Variants in PTPRG observed in about 807,000 individuals in gnomAD.
The protein encoded by PTPRG is receptor-type tyrosine-protein phosphatase gamma.
In PTPRG, 102 loss-of-function variants were observed where a neutral mutation model predicts 165.3. The ratio of observed to expected loss-of-function variants is 0.62; its 90% CI spans 0.53 to 0.73. PTPRG has a LOEUF of 0.73. Among genes scored for constraint, PTPRG ranks in the 30% least tolerant of loss-of-function variants. PTPRG has a pLI of 0.00. For missense variants in PTPRG, 1,866 were observed against 1,861.4 expected, an observed-to-expected ratio of 1.00 and a Z score of -0.05; for synonymous variants, 675 against 669.5, an observed-to-expected ratio of 1.01 and a Z score of -0.13.
intron 1 of PTPRG, among the ~76,000 whole-genome samples, chr3:61,630,240 C>T (rs1179231661): frequency 6.6e-6 from 1 of 152,148 alleles, no homozygotes; most frequent in African/African-American, 2.4e-5. Flanking sequence ...GTAGATAGAG[C>T]AGATTTTGAG....
chr3:62,287,479 C>T (rs757476192), intron 28 of PTPRG, among the ~76,000 whole-genome samples: 1 of 151,812 alleles, frequency 6.6e-6, no homozygotes, highest in Admixed American at 6.6e-5. Flanking sequence ...CAAATTCGGC[C>T]TAAGAATGAG....
At chr3:62,151,184 G>A (rs150378597) in intron 6 of PTPRG, among the ~76,000 whole-genome samples, 7 of 152,304 alleles carry the variant, frequency 4.6e-5, no homozygotes, top group Non-Finnish European at 7.4e-5. Flanking sequence ...ATAATTTAAT[G>A]TTGAAAGGAA....
chr3:61,755,565 G>T (rs888239090), intron 2 of PTPRG, among the ~76,000 whole-genome samples: 2 of 152,298 alleles, frequency 1.3e-5, no homozygotes, highest in East Asian at 3.9e-4. Flanking sequence ...ATTGTCTACT[G>T]TGTGCCAGGT....
At chr3:61,866,713 C>T (rs944373474) in intron 2 of PTPRG, among the ~76,000 whole-genome samples, 7 of 149,360 alleles carry the variant, frequency 4.7e-5, no homozygotes, top group Non-Finnish European at 1.0e-4. Flanking sequence ...ATTCTCCTGC[C>T]TCCGCCTCTG....
At chr3:62,293,012 A>T (rs1702954474) in intron 29 of PTPRG, 149 bp from the exon 30 acceptor site, 2 of 610,756 alleles carry the variant, frequency 3.3e-6, no homozygotes, top group African/African-American at 1.9e-5. Flanking sequence ...AATTCAAATG[A>T]TTTTTTTTTT....
chr3:61,806,859 T>A (rs1305851482), intron 2 of PTPRG, among the ~76,000 whole-genome samples: 1 of 152,238 alleles, frequency 6.6e-6, no homozygotes. Flanking sequence ...TTAGGTTTCA[T>A]ACTCCGTGGC....
intron 1 of PTPRG, among the ~76,000 whole-genome samples, chr3:61,691,878 C>T (rs565360046): frequency 0.11 from 364 of 3,182 alleles, 4 homozygotes; most frequent in Admixed American, 0.15. Flanking sequence ...AGAGGACTTA[C>T]ATTTAACCTT....
At chr3:61,646,697 G>A (rs1393768959) in intron 1 of PTPRG, among the ~76,000 whole-genome samples, 4 of 152,118 alleles carry the variant, frequency 2.6e-5, no homozygotes, top group South Asian at 2.1e-4. Flanking sequence ...ATAGTTTTAT[G>A]CATTTTTTTC....
At chr3:62,077,971 G>T (rs11713551) in intron 4 of PTPRG, among the ~76,000 whole-genome samples, 192 bp from the exon 5 acceptor site, 26 of 148,660 alleles carry the variant, frequency 1.7e-4, no homozygotes, top group Non-Finnish European at 3.7e-4. Flanking sequence ...GCAGTCCAGC[G>T]TGGGCAACAG....
In PTPRG at chr3:62,195,044, T is replaced by C. The variant is rs1410047801; in HGVS notation, c.1219-18T>C. ...GCCTTCAAAACTAACTCACTGCTTT[T>C]TCCTTCTTTACTTACAGAAAGCCAC... On this transcript the variant is annotated intron_variant, in intron 9 of 29. Transcript: ENST00000474889. This position sits in a 1 kb window ranked among gnomAD's most constrained non-coding sequence, Gnocchi z 4.4. 5 of 1,611,808 alleles carry C rather than the reference T, an allele frequency of 3.1e-6. No homozygotes were observed. In the East Asian group the frequency reaches 1.1e-4, roughly 36 times the overall value.
chr3:61,873,022 ATTCTTT>A (rs2037625998), intron 2 of PTPRG, among the ~76,000 whole-genome samples: 1 of 152,150 alleles, frequency 6.6e-6, no homozygotes, highest in Non-Finnish European at 1.5e-5. Context: ...AAAAAATGTG[ATTCTTT>A]TTCTTTTTTT....
At chr3:61,935,991 A>G (rs1018247446) in intron 2 of PTPRG, among the ~76,000 whole-genome samples, 1 of 152,140 alleles carries the variant, frequency 6.6e-6, no homozygotes, top group African/African-American at 2.4e-5. Flanking sequence ...GCCCTCATGA[A>G]TGGTATTACT....
intron 4 of PTPRG, among the ~76,000 whole-genome samples, chr3:62,029,032 A>G (rs1489632511): frequency 6.6e-6 from 1 of 152,232 alleles, no homozygotes; most frequent in Non-Finnish European, 1.5e-5. Context: ...CATGGAATGC[A>G]CAACATACAT....
chr3:62,188,586 T>A (rs748857633), intron 8 of PTPRG, among the ~76,000 whole-genome samples: 7 of 152,166 alleles, frequency 4.6e-5, no homozygotes, highest in South Asian at 2.1e-4. Context: ...GTTCCTTTTT[T>A]AAAAAATATT....
chr3:62,148,998 G>C (rs770383910), intron 6 of PTPRG, among the ~76,000 whole-genome samples: 12 of 152,076 alleles, frequency 7.9e-5, no homozygotes, highest in Non-Finnish European at 1.3e-4. Flanking sequence ...CAAAAAACTA[G>C]TGTCTTTGAG....
intron 1 of PTPRG, among the ~76,000 whole-genome samples, chr3:61,642,793 T>C (rs1702101275): frequency 6.6e-6 from 1 of 152,136 alleles, no homozygotes; most frequent in Non-Finnish European, 1.5e-5. Context: ...TGAGGGGAAG[T>C]TGATGGAGTG....
At chr3:61,960,655 G>C (rs574503398) in intron 2 of PTPRG, among the ~76,000 whole-genome samples, 1 of 152,060 alleles carries the variant, frequency 6.6e-6, no homozygotes, top group East Asian at 1.9e-4. Flanking sequence ...ATATGACAAG[G>C]GTGGGGTTTT....
intron 2 of PTPRG, among the ~76,000 whole-genome samples, chr3:61,960,693 C>G (rs564128415): frequency 6.6e-6 from 1 of 152,020 alleles, no homozygotes; most frequent in African/African-American, 2.4e-5. Context: ...CAATTTTGTC[C>G]CCCTTGCTTC....
intron 15 of PTPRG, among the ~76,000 whole-genome samples, chr3:62,250,977 C>A (rs1170041486): frequency 6.6e-6 from 1 of 152,134 alleles, no homozygotes; most frequent in East Asian, 1.9e-4. Context: ...AACAATAAGC[C>A]CACCTCTTCA....
Sources: allele counts gnomAD v4.1 joint callset (sites outside exome capture counted in the v4.1 genomes callset), GRCh38; gene constraint gnomAD v4.1.1; non-coding constraint Gnocchi (gnomAD v3.1); transcripts MANE v1.5; gene names NCBI Gene and HGNC (gene_info 2026-07-23, HGNC 2026-07-21).